The following CAPSL variants were observed in gnomAD, a reference collection of about 807,000 sequenced individuals.
The protein encoded by CAPSL is calcyphosin-like protein.
A neutral mutation model predicts 21.3 loss-of-function variants in CAPSL; 17 were observed. The ratio of observed to expected loss-of-function variants is 0.80; its 90% CI spans 0.55 to 1.20. The LOEUF is 1.20. Ranked by LOEUF, CAPSL falls within the 50% of genes most tolerant of loss-of-function variation. The probability of loss-of-function intolerance (pLI) is 0.00; values close to 1 mark genes in which losing one functional copy is unlikely to be tolerated. For missense variants in CAPSL, 289 were observed against 259.3 expected (o/e 1.11, Z -0.79); for synonymous variants, 102 against 89.3 (o/e 1.14, Z -0.80).
rs533497316 is a variant in CAPSL, at chr5:35,928,764, C to T, written c.1-7644G>A. Among the ~76,000 whole-genome samples the T allele has an allele frequency of 4.6e-5, 7 of 152,142 alleles. No homozygotes were observed. The South Asian group carries it at 1.5e-3, about 32-fold the overall frequency. On this transcript the variant is annotated intron_variant, in intron 1 of 4. Transcript: ENST00000651391. ...TTCTGCACAAGATACACAAGATGGC[C>T]CCTGGCAACAAAGAATTACCAGTCA...
intron 1 of CAPSL, among the ~76,000 whole-genome samples, chr5:35,926,342 G>A (rs1738683316): frequency 6.6e-6 from 1 of 152,180 alleles, no homozygotes; most frequent in African/African-American, 2.4e-5. Context: ...TGGCAGCAAG[G>A]GAGGATATTC....
intron 4 of CAPSL, among the ~76,000 whole-genome samples, chr5:35,905,667 C>G (rs1221102528): frequency 6.6e-6 from 1 of 152,220 alleles, no homozygotes; most frequent in East Asian, 1.9e-4. Context: ...TTATTCCTCT[C>G]CTCCTTTGGA....
chr5:35,910,146 A>T, intron 3 of CAPSL, 71 bp from the exon 4 acceptor site: 2 of 1,277,024 alleles, frequency 1.6e-6, no homozygotes, highest in Non-Finnish European at 2.2e-6. Flanking sequence ...CTATGTGATA[A>T]AATATCTCAT....
chr5:35,932,287 A>G (rs1561445030), intron 1 of CAPSL, among the ~76,000 whole-genome samples: 1 of 152,176 alleles, frequency 6.6e-6, no homozygotes. Flanking sequence ...CTCTCATGTA[A>G]AAGAAGACTG....
At chr5:35,911,083 CA>C (rs1390356101) in intron 2 of CAPSL, among the ~76,000 whole-genome samples, 9 of 151,988 alleles carry the variant, frequency 5.9e-5, no homozygotes, top group African/African-American at 1.7e-4. Flanking sequence ...GATTATAACC[CA>C]AAATATAAAA....
chr5:35,907,886 A>G (rs1446791999), intron 4 of CAPSL, among the ~76,000 whole-genome samples: 2 of 152,232 alleles, frequency 1.3e-5, no homozygotes, highest in Non-Finnish European at 1.5e-5. Flanking sequence ...CTTCTCATAA[A>G]AGAATTTACC....
At chr5:35,910,122 G>C in intron 3 of CAPSL, 47 bp from the exon 4 acceptor site, 1 of 1,473,946 alleles carries the variant, frequency 6.8e-7, no homozygotes, top group Non-Finnish European at 9.2e-7. Context: ...AAGCAAATGA[G>C]CTTTTTTGGT....
chr5:35,923,187 A>G (rs1738582900), intron 1 of CAPSL, among the ~76,000 whole-genome samples: 1 of 151,946 alleles, frequency 6.6e-6, no homozygotes, highest in African/African-American at 2.4e-5. Flanking sequence ...CACCTTATTC[A>G]TTTTGCTCTG....
chr5:35,919,168 A>ATTATATATATATAT (rs1328263175), intron 2 of CAPSL, among the ~76,000 whole-genome samples: 13 of 113,030 alleles, frequency 1.2e-4, no homozygotes, highest in African/African-American at 4.2e-4. Context: ...ATTAAAAAAA[A>ATTATATATATATAT]AAATATATAT....
chr5:35,926,353 A>G (rs909644664), intron 1 of CAPSL, among the ~76,000 whole-genome samples: 66 of 152,214 alleles, frequency 4.3e-4, no homozygotes, highest in African/African-American at 1.6e-3. Flanking sequence ...GAGGATATTC[A>G]CAGAAGCCTG....
At chr5:35,919,188 T>C (rs1049511187) in intron 2 of CAPSL, among the ~76,000 whole-genome samples, 4 of 146,102 alleles carry the variant, frequency 2.7e-5, no homozygotes, top group Non-Finnish European at 6.0e-5. Context: ...TATATATATA[T>C]ATAAAAATTG....
At chr5:35,911,851 T>C (rs1299196665) in intron 2 of CAPSL, among the ~76,000 whole-genome samples, 1 of 152,150 alleles carries the variant, frequency 6.6e-6, no homozygotes, top group Non-Finnish European at 1.5e-5. Flanking sequence ...CAGGTTCATC[T>C]TACTGGGGAG....
At chr5:35,936,928 A>G (rs1272538377) in intron 1 of CAPSL, among the ~76,000 whole-genome samples, 1 of 152,180 alleles carries the variant, frequency 6.6e-6, no homozygotes, top group Non-Finnish European at 1.5e-5. Context: ...AGCCAAATTC[A>G]TTACCTATCT....
In CAPSL at chr5:35,907,538, T is replaced by C. The variant is rs373163797; in HGVS notation, c.525+2328A>G. Among the ~76,000 whole-genome samples, 31 of 152,330 alleles carry C rather than the reference T, an allele frequency of 2.0e-4. 1 individual carries two copies. Among genetic ancestry groups the C allele is most frequent in the East Asian group, 1.3e-3 (7 of 5,188 alleles). The stretch of plus-strand genomic sequence containing the variant: ...TAAGGAAAGTCTGTGTCACAGGTTA[T>C]CTGATTGCTTCACACCTCCATCCAA... On this transcript the variant is annotated intron_variant, in intron 4 of 4. Coordinates refer to ENST00000651391, the MANE Select transcript of CAPSL (RefSeq NM_001042625.2).
At position 35,904,759 on chromosome 5, in the gene CAPSL, T is replaced by C; in HGVS notation, c.526-113A>G. On this transcript the variant is annotated intron_variant, in intron 4 of 4. Transcript: ENST00000651391. ...GAAATAGAGGATTTCTTTGTGTATG[T>C]GATCATGGCTGAGGAACTGATCTAA... The C allele has an allele frequency of 2.0e-6, 3 of 1,464,264 alleles. No individual in the cohort carries two copies. In the South Asian group the frequency reaches 4.3e-5, roughly 21 times the overall value. 90.7% of individuals were successfully genotyped at this position (1,464,264 alleles called of 1,614,324 possible).
At chr5:35,930,925 G>A (rs945077544) in intron 1 of CAPSL, among the ~76,000 whole-genome samples, 1 of 152,084 alleles carries the variant, frequency 6.6e-6, no homozygotes, top group Non-Finnish European at 1.5e-5. Context: ...CCTTCCTTGT[G>A]CCTTGAGTGA....
chr5:35,933,368 C>T (rs1332955173), intron 1 of CAPSL, among the ~76,000 whole-genome samples: 1 of 152,114 alleles, frequency 6.6e-6, no homozygotes, highest in African/African-American at 2.4e-5. Flanking sequence ...AATAAGGAAA[C>T]TGAGGTACAG....
At chr5:35,924,283 T>C (rs1475167816) in intron 1 of CAPSL, among the ~76,000 whole-genome samples, 1 of 152,142 alleles carries the variant, frequency 6.6e-6, no homozygotes, top group Admixed American at 6.5e-5. Context: ...AAGGCTTGGG[T>C]TGGCAAAGTG....
intron 1 of CAPSL, among the ~76,000 whole-genome samples, chr5:35,934,831 T>C (rs1428354125): frequency 6.6e-6 from 1 of 152,216 alleles, no homozygotes; most frequent in Non-Finnish European, 1.5e-5. Context: ...TTCATTAAAC[T>C]CTTTTCTGTT....
Sources: gnomAD v4.1 joint callset for allele counts (sites outside exome capture counted in the v4.1 genomes callset) on GRCh38, gnomAD v4.1.1 for gene constraint, MANE v1.5 for transcripts, NCBI Gene and HGNC (gene_info 2026-07-23, HGNC 2026-07-21) for gene names.